The following LIN9 variants were observed in gnomAD, a reference collection of about 807,000 sequenced individuals.
The protein encoded by LIN9 is lin-9 DREAM MuvB core complex component.
A neutral mutation model predicts 78.0 loss-of-function variants in LIN9; 18 were observed. The observed-to-expected ratio is 0.23, with a 90% CI of 0.16 to 0.34. The LOEUF (loss-of-function observed/expected upper bound fraction) is 0.34. LIN9 is among the 10% of genes least tolerant of loss of function. LIN9 has a pLI of 1.00. For missense variants in LIN9, 451 were observed against 644.1 expected, an observed-to-expected ratio of 0.70 and a Z score of 3.25; for synonymous variants, 192 against 215.2, an observed-to-expected ratio of 0.89 and a Z score of 0.94.
chr1:226,241,664 C>T (rs1015390463), intron 11 of LIN9, among the ~76,000 whole-genome samples: 2 of 152,076 alleles, frequency 1.3e-5, no homozygotes, highest in African/African-American at 4.8e-5. Flanking sequence ...CGAGACCATC[C>T]TGGCTAACAC....
In LIN9 at chr1:226,279,769, G is replaced by GAA. The variant is rs372383120; in HGVS notation, c.525-1839_525-1838dup. Among the ~76,000 whole-genome samples the GAA allele has an allele frequency of 4.7e-3, 436 of 93,604 alleles. 2 individuals carry two copies. Among genetic ancestry groups the GAA allele is most frequent in the African/African-American group, 6.4e-3 (150 of 23,328 alleles). The allele number at this position is 93,604 out of a possible 152,430, so 61.4% of individuals were successfully genotyped here. On this transcript the variant is annotated intron_variant, in intron 6 of 14. Transcript: ENST00000681046. ...TGGGCAACAGAGCAAGACCCAGTCT[G>GAA]AAAAAAAAAAAAAAAAAAGGAAGGA...
At chr1:226,237,813 C>T (rs566262977) in intron 12 of LIN9, among the ~76,000 whole-genome samples, 1 of 150,296 alleles carries the variant, frequency 6.7e-6, no homozygotes, top group South Asian at 2.1e-4. Context: ...ATTAGCCGGG[C>T]ATGGTGGTGC....
upstream of LIN9, chr1:226,309,488 G>C: frequency 9.0e-7 from 1 of 1,111,262 alleles, no homozygotes; most frequent in African/African-American, 1.7e-5. Flanking sequence ...CATGTTCCGC[G>C]GCCCGCGCTG....
intron 12 of LIN9, among the ~76,000 whole-genome samples, chr1:226,234,502 T>C (rs1481580564): frequency 6.6e-6 from 1 of 152,210 alleles, no homozygotes; most frequent in Non-Finnish European, 1.5e-5. Flanking sequence ...GTGGGAACCC[T>C]GTCAAGCTGG....
chr1:226,252,318 A>AAATG (rs57329585), intron 10 of LIN9, among the ~76,000 whole-genome samples: 22,347 of 135,410 alleles, frequency 0.17, 1,895 homozygotes, highest in East Asian at 0.2. Flanking sequence ...ATAAATAAAT[A>AAATG]AATGAATGAA....
At chr1:226,253,040 A>C (rs1658941691) in intron 10 of LIN9, among the ~76,000 whole-genome samples, 1 of 151,988 alleles carries the variant, frequency 6.6e-6, no homozygotes, top group African/African-American at 2.4e-5. Context: ...AGGTGGGAGG[A>C]TCACTTGAGT....
At chr1:226,278,079 A>G in intron 6 of LIN9, 147 bp from the exon 7 acceptor site, 2 of 602,908 alleles carry the variant, frequency 3.3e-6, no homozygotes, top group Non-Finnish European at 2.8e-6. Flanking sequence ...TGCAACCTCC[A>G]TCTCCGGCTC....
chr1:226,265,201 A>G lies in LIN9; in HGVS notation c.1038+332T>C, dbSNP rs73087867. Among the ~76,000 whole-genome samples the G allele has an allele frequency of 6.7e-3, 1,026 of 152,354 alleles. 14 individuals carry two copies. Among genetic ancestry groups the G allele is most frequent in the African/African-American group, 0.023 (963 of 41,580 alleles). ...CTGTTGAACTGACTGATGATGGCAG[A>G]ATATGCTGAGGTTACTAAATAAAAG... On this transcript the variant is annotated intron_variant, in intron 10 of 14. Transcript: ENST00000681046. This position sits in a 1 kb window ranked among gnomAD's most constrained non-coding sequence, Gnocchi z 4.1.
chr1:226,244,730 T>G (rs1658352079), intron 11 of LIN9, among the ~76,000 whole-genome samples: 1 of 152,252 alleles, frequency 6.6e-6, no homozygotes, highest in Non-Finnish European at 1.5e-5. Context: ...TTTAACCATT[T>G]ACAATTTTTT....
chr1:226,293,921 A>T (rs1661955379), intron 4 of LIN9, among the ~76,000 whole-genome samples: 1 of 152,222 alleles, frequency 6.6e-6, no homozygotes, highest in Non-Finnish European at 1.5e-5. Flanking sequence ...TCTACAGAAC[A>T]TGAACATATT....
intron 11 of LIN9, among the ~76,000 whole-genome samples, chr1:226,243,645 A>G (rs1014618602): frequency 2.0e-5 from 3 of 148,968 alleles, no homozygotes; most frequent in African/African-American, 7.4e-5. Flanking sequence ...GCAGTAAGCC[A>G]AGATTACAGC....
At chr1:226,305,102 G>A (rs186720084) in intron 1 of LIN9, among the ~76,000 whole-genome samples, 14 of 151,782 alleles carry the variant, frequency 9.2e-5, no homozygotes, top group East Asian at 1.9e-4. Context: ...CTCTAGAGGC[G>A]GAGGTTGCAG....
intron 1 of LIN9, among the ~76,000 whole-genome samples, chr1:226,305,337 A>C (rs960029866): frequency 3.3e-5 from 5 of 150,392 alleles, no homozygotes; most frequent in African/African-American, 9.8e-5. Flanking sequence ...AAAAAAAAAA[A>C]AAAACCTTAG....
intron 1 of LIN9, among the ~76,000 whole-genome samples, chr1:226,305,315 GAAAAAA>G (rs111859953): frequency 1.3e-5 from 1 of 77,506 alleles, no homozygotes; most frequent in Non-Finnish European, 2.6e-5. Context: ...ACAAAAAAAA[GAAAAAA>G]AAAAAAAAAA....
At chr1:226,255,813 A>G (rs1250845807) in intron 10 of LIN9, among the ~76,000 whole-genome samples, 1 of 152,152 alleles carries the variant, frequency 6.6e-6, no homozygotes, top group African/African-American at 2.4e-5. Flanking sequence ...ACTAAAAAAC[A>G]AAGAGAACAA....
At chr1:226,282,091 T>TCTGCCCATCTGATA (rs1558191494) in intron 6 of LIN9, among the ~76,000 whole-genome samples, 1 of 152,230 alleles carries the variant, frequency 6.6e-6, no homozygotes, top group African/African-American at 2.4e-5. Flanking sequence ...CAGTATGCAC[T>TCTGCCCATCTGATA]GTTGTGTATT....
intron 10 of LIN9, among the ~76,000 whole-genome samples, chr1:226,252,281 AAAATAAATAAAT>A (rs59130234): frequency 1.3e-4 from 18 of 140,884 alleles, no homozygotes; most frequent in South Asian, 6.8e-4. Flanking sequence ...ACCCCATCTC[AAAATAAATAAAT>A]AAATAAATAA....
chr1:226,249,212 G>A (rs1405175613), intron 11 of LIN9, among the ~76,000 whole-genome samples: 7 of 152,120 alleles, frequency 4.6e-5, no homozygotes, highest in Non-Finnish European at 1.0e-4. Flanking sequence ...GCACTGAAAA[G>A]GCATCGAATA....
intron 2 of LIN9, among the ~76,000 whole-genome samples, chr1:226,300,275 G>A (rs1048203958): frequency 4.6e-5 from 7 of 152,140 alleles, no homozygotes; most frequent in African/African-American, 1.7e-4. Context: ...TACGGGCCAG[G>A]TGTGGTGGCT....
Sources: gnomAD v4.1 joint callset for allele counts (sites outside exome capture counted in the v4.1 genomes callset) on GRCh38, gnomAD v4.1.1 for gene constraint, Gnocchi (gnomAD v3.1) non-coding constraint, MANE v1.5 for transcripts, NCBI Gene and HGNC (gene_info 2026-07-23, HGNC 2026-07-21) for gene names.